The following KCNQ1 variants were observed in gnomAD, a reference collection of about 807,000 sequenced individuals.
KCNQ1 encodes the protein potassium voltage-gated channel subfamily KQT member 1.
KCNQ1 carries 49 observed loss-of-function variants against 72.4 expected under a neutral mutation model. That is an observed-to-expected ratio of 0.68 (90% CI 0.54 to 0.86). KCNQ1 has a LOEUF of 0.86. Among genes scored for constraint, KCNQ1 ranks in the 40% least tolerant of loss-of-function variants. KCNQ1 has a pLI of 0.00. For synonymous variants in KCNQ1, 450 were observed against 412.6 expected (o/e 1.09, Z -1.10); for missense variants, 790 against 945.1 (o/e 0.84, Z 2.15).
intron 11 of KCNQ1, among the ~76,000 whole-genome samples, chr11:2,729,775 C>T (rs1845822239): frequency 6.6e-6 from 1 of 152,100 alleles, no homozygotes; most frequent in Admixed American, 6.5e-5. Flanking sequence ...TGCGGGAGGT[C>T]CCCATGGGTG....
In KCNQ1 at chr11:2,591,951, C is replaced by G. The variant is rs139134871; in HGVS notation, c.1393+3097C>G. ...GCCCTGGCTTGGGGAGAAGGAGATGCTGATCCCAGGGCAGATGCCACTCCT... is the reference window on the plus strand; with the variant it reads ...GCCCTGGCTTGGGGAGAAGGAGATGGTGATCCCAGGGCAGATGCCACTCCT... On this transcript the variant is annotated intron_variant, in intron 10 of 15. Transcript: ENST00000155840. Among the ~76,000 whole-genome samples the G allele has an allele frequency of 3.0e-4, 45 of 152,360 alleles. No individual in the cohort carries two copies. The East Asian group carries it at 5.4e-3, about 18-fold the overall frequency.
chr11:2,796,565 C>T (rs234881), intron 15 of KCNQ1, among the ~76,000 whole-genome samples: 44,057 of 152,210 alleles, frequency 0.29, 6,571 homozygotes, highest in Middle Eastern at 0.35. Flanking sequence ...GACACACCCT[C>T]TCCATGGGGA....
At chr11:2,634,353 G>C (rs1849419674) in intron 10 of KCNQ1, 1 of 265,650 alleles carries the variant, frequency 3.8e-6, no homozygotes, top group African/African-American at 2.4e-5. Flanking sequence ...AACAGGCCCT[G>C]GTGGGTGATG....
rs148497380 is a variant in KCNQ1 at position 2,475,405 on chromosome 11, C to A, written c.386+29921C>A. ...CTTTGGCTGTTGTGGCTAGAGGCTC[C>A]TTCCTGAAAGCCTGATACTTAGAAT... is the stretch of plus-strand genomic sequence containing the variant. On this transcript the variant is annotated intron_variant, in intron 1 of 15. Coordinates refer to ENST00000155840, the MANE Select transcript of KCNQ1 (RefSeq NM_000218.3). The surrounding 1 kb of genome is among the most constrained non-coding windows in gnomAD (Gnocchi z 5.8). 7.9e-5 allele frequency among the ~76,000 whole-genome samples: 12 copies of A among 152,280 alleles called. No homozygotes were observed. Among genetic ancestry groups the A allele is most frequent in the Non-Finnish European group, 1.6e-4 (11 of 68,032 alleles).
At chr11:2,632,945 T>C (rs1304183904) in intron 10 of KCNQ1, 1 of 398,396 alleles carries the variant, frequency 2.5e-6, no homozygotes, top group East Asian at 3.6e-5. Context: ...GGTAGTGGAT[T>C]GTCAAACTGT....
In KCNQ1 at chr11:2,458,513, C is replaced by T. The variant is rs1414759190; in HGVS notation, c.386+13029C>T. 1.3e-5 allele frequency among the ~76,000 whole-genome samples: 2 copies of T among 152,240 alleles called. No homozygotes were observed. The highest frequency in any genetic ancestry group is 4.8e-5 in the African/African-American group (2 of 41,470). On this transcript the variant is annotated intron_variant, in intron 1 of 15. Coordinates refer to ENST00000155840, the MANE Select transcript of KCNQ1 (RefSeq NM_000218.3). The surrounding 1 kb of genome is among the most constrained non-coding windows in gnomAD (Gnocchi z 4.6). ...GCAGTGCTGCTGAAGTCCTGCCAGG[C>T]TCCAGCTCCTGGTGAGGTCAGGGAT... is the stretch of plus-strand genomic sequence containing the variant.
intron 15 of KCNQ1, among the ~76,000 whole-genome samples, chr11:2,820,247 C>G (rs908371525): frequency 6.6e-6 from 1 of 152,200 alleles, no homozygotes; most frequent in Non-Finnish European, 1.5e-5. Context: ...ATCCCACACT[C>G]TTGGCATGTA....
intron 1 of KCNQ1, among the ~76,000 whole-genome samples, chr11:2,520,223 T>TG (rs1847358320): frequency 6.6e-6 from 1 of 152,216 alleles, no homozygotes; most frequent in African/African-American, 2.4e-5. Context: ...AGGGGGCTTC[T>TG]GGGGGGCAGC....
At chr11:2,514,009 GTGACAC>G (rs2133620885) in intron 1 of KCNQ1, among the ~76,000 whole-genome samples, 1 of 152,364 alleles carries the variant, frequency 6.6e-6, no homozygotes, top group African/African-American at 2.4e-5. Context: ...GGGCCCCACA[GTGACAC>G]TGGGGGACTC....
At chr11:2,583,941 A>G (rs1340029271) in intron 7 of KCNQ1, among the ~76,000 whole-genome samples, 1 of 152,138 alleles carries the variant, frequency 6.6e-6, no homozygotes, top group Non-Finnish European at 1.5e-5. Flanking sequence ...TCCAGAAACC[A>G]CAGATTGTAA....
At chr11:2,576,487 C>T (rs1010638294) in intron 6 of KCNQ1, among the ~76,000 whole-genome samples, 1 of 152,248 alleles carries the variant, frequency 6.6e-6, no homozygotes. Context: ...CTCTGTTCAG[C>T]GCCCGGGGGT....
Position 2,570,707 on chromosome 11 carries a change from G to C in KCNQ1, c.557G>C (p.Gly186Ala), listed in dbSNP as rs794728568. 3 of 1,612,490 alleles carry C rather than the reference G, an allele frequency of 1.9e-6. No individual in the cohort carries two copies. Among genetic ancestry groups the C allele is most frequent in the Non-Finnish European group, 2.5e-6 (3 of 1,180,020 alleles). ...WSAGCRSKYV[G>A]LWGRLRFARK... ...GCCGGCTGCCGCAGCAAGTACGTGG[G>C]CCTCTGGGGGCGGCTGCGCTTTGCC... Residue 186 changes from glycine (G) to alanine (A), a missense_variant, in exon 3 of 16, where the codon GGC becomes GCC. By Grantham distance (60) the Gly-to-Ala change is moderately conservative (BLOSUM62 0). Around this residue, in one of 5 missense-constraint regions of KCNQ1, gnomAD observed 294 missense variants for 323.3 expected, o/e 0.91. Coordinates refer to ENST00000155840, the MANE Select transcript of KCNQ1 (RefSeq NM_000218.3).
intron 2 of KCNQ1, among the ~76,000 whole-genome samples, chr11:2,540,333 G>A (rs1312594155): frequency 2.0e-5 from 3 of 152,262 alleles, no homozygotes; most frequent in Non-Finnish European, 4.4e-5. Flanking sequence ...ATTGAAGTGT[G>A]TCATCATGTG....
intron 1 of KCNQ1, among the ~76,000 whole-genome samples, chr11:2,514,276 G>T (rs2133621461): frequency 6.6e-6 from 1 of 152,374 alleles, no homozygotes; most frequent in Middle Eastern, 3.4e-3. Context: ...ATAGAGCCCG[G>T]CAGCATCTTG....
At chr11:2,584,445 TTG>T (rs1491151649) in intron 7 of KCNQ1, among the ~76,000 whole-genome samples, 23 of 148,448 alleles carry the variant, frequency 1.5e-4, no homozygotes, top group Admixed American at 1.0e-3. Context: ...GTGCGTTAGT[TTG>T]TGTTTGTGTG....
At position 2,745,653 on chromosome 11, in the gene KCNQ1, C is replaced by T. The variant is rs1460699911; in HGVS notation, c.1515-23191C>T. Among the ~76,000 whole-genome samples, 1 of 152,210 alleles carries T rather than the reference C, an allele frequency of 6.6e-6. No homozygotes were observed. Among genetic ancestry groups the T allele is most frequent in the Non-Finnish European group, 1.5e-5 (1 of 68,042 alleles). On this transcript the variant is annotated intron_variant, in intron 11 of 15. Coordinates refer to ENST00000155840, the MANE Select transcript of KCNQ1 (RefSeq NM_000218.3). This position sits in a 1 kb window ranked among gnomAD's most constrained non-coding sequence, Gnocchi z 6.2. Reference sequence around the variant, plus strand: ...GCTGGCAGAGGCTGGGGTTACCTGACACTTGTCATCCTTCTGCTGGGCCTC... The same window carrying T: ...GCTGGCAGAGGCTGGGGTTACCTGATACTTGTCATCCTTCTGCTGGGCCTC...
At chr11:2,618,584 T>C (rs1589984713) in intron 10 of KCNQ1, 1 of 398,618 alleles carries the variant, frequency 2.5e-6, no homozygotes, top group East Asian at 3.6e-5. Context: ...GCCAGGACCA[T>C]ACTGTTTGAT....
chr11:2,833,628 C>T (rs571062963), intron 15 of KCNQ1, among the ~76,000 whole-genome samples: 125 of 152,334 alleles, frequency 8.2e-4, no homozygotes, highest in African/African-American at 3.0e-3. Flanking sequence ...CGCTTCACTC[C>T]ATTTGCAGCC....
At chr11:2,527,554 C>T (rs981097169) in intron 1 of KCNQ1, among the ~76,000 whole-genome samples, 10 of 152,218 alleles carry the variant, frequency 6.6e-5, no homozygotes, top group Non-Finnish European at 1.2e-4. Context: ...AAACCCCACG[C>T]CCACAGCAGT....
Sources: gnomAD v4.1 joint callset for allele counts (sites outside exome capture counted in the v4.1 genomes callset) on GRCh38, gnomAD v4.1.1 for gene constraint, gnomAD v4.1.1 regional missense constraint, Gnocchi (gnomAD v3.1) non-coding constraint, MANE v1.5 for transcripts, NCBI Gene and HGNC (gene_info 2026-07-23, HGNC 2026-07-21) for gene names.